MARCO: variants seen among roughly 807,000 people sequenced by gnomAD.
MARCO encodes macrophage receptor MARCO.
MARCO carries 72 observed loss-of-function variants against 70.0 expected under a neutral mutation model. The ratio of observed to expected loss-of-function variants is 1.03; its 90% CI spans 0.85 to 1.25. MARCO has a LOEUF of 1.25. Ranked by LOEUF, MARCO falls within the 50% of genes most tolerant of loss-of-function variation. The probability of loss-of-function intolerance (pLI) is 0.00; values close to 1 mark genes in which losing one functional copy is unlikely to be tolerated. For synonymous variants in MARCO, 273 were observed against 243.1 expected, an observed-to-expected ratio of 1.12 and a Z score of -1.14; for missense variants, 696 against 659.3, an observed-to-expected ratio of 1.06 and a Z score of -0.61.
chr2:118,944,569 T>G (rs908801940), intron 1 of MARCO, among the ~76,000 whole-genome samples: 3 of 152,220 alleles, frequency 2.0e-5, no homozygotes, highest in Non-Finnish European at 4.4e-5. Flanking sequence ...AAAATATTTC[T>G]AATGTCATTT....
At chr2:118,956,563 A>T (rs1057302151) in intron 1 of MARCO, among the ~76,000 whole-genome samples, 11 of 152,298 alleles carry the variant, frequency 7.2e-5, no homozygotes, top group Admixed American at 2.6e-4. Flanking sequence ...TCAATACTCC[A>T]CTGACAGCAC....
chr2:118,968,856 G>A (rs1465955123), intron 1 of MARCO, among the ~76,000 whole-genome samples: 2 of 152,192 alleles, frequency 1.3e-5, no homozygotes, highest in African/African-American at 2.4e-5. Context: ...AACCCAACAG[G>A]GCCAGGCACC....
In MARCO at chr2:118,978,863, T is replaced by C. The variant is rs369557658; in HGVS notation, c.766+928T>C. ...ATAGTAATAGTATTAGTAATAATAA[T>C]AGTAGTAGTAGTTATCCTGTAACGT... On this transcript the variant is annotated intron_variant, in intron 8 of 16. Transcript: ENST00000327097. 4.4e-4 allele frequency among the ~76,000 whole-genome samples: 67 copies of C among 152,190 alleles called. No individual in the cohort carries two copies. The Middle Eastern group carries it at 0.01, about 23-fold the overall frequency.
chr2:118,942,994 G>T (rs1239604094), intron 1 of MARCO, among the ~76,000 whole-genome samples: 1 of 152,210 alleles, frequency 6.6e-6, no homozygotes, highest in Non-Finnish European at 1.5e-5. Context: ...AACAGGTGAT[G>T]CATTTTTAAA....
chr2:118,994,383 C>T lies in MARCO; in HGVS notation c.1430-4C>T, dbSNP rs148191210. On this transcript the variant is annotated splice_region_variant and splice_polypyrimidine_tract_variant and intron_variant, in intron 16 of 16. Transcript: ENST00000327097. ...CCTCTGTCTCTTGCTTTCTCTCTAT[C>T]AAGGCACTGGGCAGATCTGGCTGGA... 4.3e-5 allele frequency: 70 copies of T among 1,614,106 alleles called. No homozygotes were observed. In the African/African-American group the frequency reaches 7.9e-4, roughly 18 times the overall value.
At chr2:118,993,534 TTCGG>T (rs1680664440) in intron 16 of MARCO, among the ~76,000 whole-genome samples, 1 of 152,202 alleles carries the variant, frequency 6.6e-6, no homozygotes, top group Non-Finnish European at 1.5e-5. Flanking sequence ...CTGGCCTGGC[TTCGG>T]TCAAGGTCCA....
In MARCO at chr2:118,966,904, C is replaced by T. The variant is rs573247467; in HGVS notation, c.98-2256C>T. 1.7e-3 allele frequency among the ~76,000 whole-genome samples: 253 copies of T among 152,312 alleles called. 1 individual carries two copies. Among genetic ancestry groups the T allele is most frequent in the African/African-American group, 5.0e-3 (209 of 41,560 alleles). On this transcript the variant is annotated intron_variant, in intron 1 of 16. Transcript: ENST00000327097. The stretch of plus-strand genomic sequence containing the variant: ...CGTGTGTTATTTGTCTTCATCATGA[C>T]GGTTGCATGAATACCTGAGGCCCTG...
At position 118,990,569 on chromosome 2, in the gene MARCO, C is replaced by CGGGGGGGGGGGG; in HGVS notation, c.1064-20_1064-19insGGGGGGGGGGGG. 4 of 1,415,946 alleles carry CGGGGGGGGGGGG rather than the reference C, an allele frequency of 2.8e-6. No individual in the cohort carries two copies. The highest frequency in any genetic ancestry group is 3.9e-6 in the Non-Finnish European group (4 of 1,028,300). 87.7% of individuals were successfully genotyped at this position (1,415,946 alleles called of 1,614,324 possible). A position where few individuals can be genotyped will look rare whatever the true frequency, so the allele number is the denominator to read the frequency against. ...AGTTTTATTATCTCCTCCCCCCCCCCTTTTTTGTTTTGATCTTAGGACTTC... is the reference window on the plus strand; with the variant it reads ...AGTTTTATTATCTCCTCCCCCCCCCCGGGGGGGGGGGGTTTTTTGTTTTGATCTTAGGACTTC... On this transcript the variant is annotated intron_variant, in intron 12 of 16. Coordinates refer to ENST00000327097, the MANE Select transcript of MARCO (RefSeq NM_006770.4).
intron 4 of MARCO, 30 bp from the exon 5 acceptor site, chr2:118,974,303 C>G: frequency 7.5e-7 from 1 of 1,340,750 alleles, no homozygotes; most frequent in South Asian, 1.2e-5. Context: ...TGTTGACTGA[C>G]TCATTAGTGT....
chr2:118,948,801 A>ATGTTTGTT lies in MARCO; in HGVS notation c.97+6422_97+6429dup, dbSNP rs70949952. Among the ~76,000 whole-genome samples, 266 of 151,784 alleles carry ATGTTTGTT rather than the reference A, an allele frequency of 1.8e-3. 1 individual carries two copies. The South Asian group carries it at 0.019, about 11-fold the overall frequency. ...TGTTGAAGAGGTAAGAATTGAAGCT[A>ATGTTTGTT]TGTTTGTTTGTTTGTTTGTTTGTTT... On this transcript the variant is annotated intron_variant, in intron 1 of 16. Transcript: ENST00000327097.
intron 6 of MARCO, 138 bp downstream of exon 6, chr2:118,974,703 C>T: frequency 3.5e-6 from 3 of 853,408 alleles, no homozygotes; most frequent in Non-Finnish European, 5.4e-6. Flanking sequence ...GGTGGGAGAC[C>T]CCAGAGGGGA....
chr2:118,943,925 G>A (rs907597274), intron 1 of MARCO, among the ~76,000 whole-genome samples: 2 of 152,274 alleles, frequency 1.3e-5, no homozygotes, highest in African/African-American at 4.8e-5. Context: ...ACATAGGGAT[G>A]GCTGGAGAGA....
chr2:118,974,474 TTCC>T, intron 5 of MARCO, 34 bp downstream of exon 5: 1 of 1,612,848 alleles, frequency 6.2e-7, no homozygotes, highest in Non-Finnish European at 8.5e-7. Flanking sequence ...CTTAATCATT[TTCC>T]TCCTCCTTCT....
chr2:118,979,786 A>G (rs1438199522), intron 8 of MARCO, among the ~76,000 whole-genome samples: 2 of 152,066 alleles, frequency 1.3e-5, no homozygotes, highest in Admixed American at 6.5e-5. Flanking sequence ...GGCTTGCTCA[A>G]TCCACTGCTG....
chr2:118,947,713 A>T (rs1679629686), intron 1 of MARCO, among the ~76,000 whole-genome samples: 1 of 152,184 alleles, frequency 6.6e-6, no homozygotes, highest in African/African-American at 2.4e-5. Flanking sequence ...CCCTCTACCA[A>T]TACCACAGTG....
At chr2:118,968,075 G>T (rs1380855166) in intron 1 of MARCO, among the ~76,000 whole-genome samples, 1 of 152,146 alleles carries the variant, frequency 6.6e-6, no homozygotes, top group Non-Finnish European at 1.5e-5. Context: ...TACCTTGCAG[G>T]GTTGCTGCAA....
intron 1 of MARCO, among the ~76,000 whole-genome samples, chr2:118,957,676 A>G (rs1319250478): frequency 6.6e-6 from 1 of 151,994 alleles, no homozygotes; most frequent in African/African-American, 2.4e-5. Flanking sequence ...TCATTACCCT[A>G]ACACCAAAAC....
chr2:118,964,449 CTT>C (rs925566977), intron 1 of MARCO, among the ~76,000 whole-genome samples: 2 of 152,130 alleles, frequency 1.3e-5, no homozygotes, highest in African/African-American at 4.8e-5. Context: ...CTGAGAGTGT[CTT>C]TATTTCTTGT....
intron 12 of MARCO, among the ~76,000 whole-genome samples, chr2:118,985,212 A>G (rs1680461322): frequency 6.6e-6 from 1 of 152,188 alleles, no homozygotes; most frequent in African/African-American, 2.4e-5. Context: ...AGTGAATCCC[A>G]AAGTCTGATT....
Sources: gnomAD v4.1 joint callset for allele counts (sites outside exome capture counted in the v4.1 genomes callset) on GRCh38, gnomAD v4.1.1 for gene constraint, MANE v1.5 for transcripts, NCBI Gene and HGNC (gene_info 2026-07-23, HGNC 2026-07-21) for gene names.